The following THOC2 variants were observed in gnomAD, a reference collection of about 807,000 sequenced individuals.
THOC2 encodes the protein THO complex 2.
THOC2 carries 10 observed loss-of-function variants against 128.4 expected under a neutral mutation model. The observed-to-expected ratio is 0.08, with a 90% CI of 0.05 to 0.13. The LOEUF is 0.13. THOC2 is among the 10% of genes least tolerant of loss of function. The pLI, the probability that THOC2 is intolerant of heterozygous loss-of-function variation, is 1.00. For missense variants in THOC2, 535 were observed against 1,155.7 expected, an observed-to-expected ratio of 0.46 and a Z score of 7.79; for synonymous variants, 393 against 396.9, an observed-to-expected ratio of 0.99 and a Z score of 0.12.
At chrX:123,667,420 G>C (rs1018043599) in intron 10 of THOC2, 142 bp from the exon 11 acceptor site, 2 of 436,007 alleles carry the variant, frequency 4.6e-6, no homozygotes, top group Non-Finnish European at 7.5e-6. Context: ...ATTCCTGCAA[G>C]TACAATCAAA....
chrX:123,644,767 A>C lies in THOC2; in HGVS notation c.1559+12T>G. ...ACTAATAGTTAAAAACATGAAAATA[A>C]TATGTATTTACCTATGCTGATATGG... On this transcript the variant is annotated intron_variant, in intron 14 of 38. Coordinates refer to ENST00000245838, the MANE Select transcript of THOC2 (RefSeq NM_001081550.2). 8.4e-7 allele frequency: 1 copy of C among 1,184,242 alleles called. No individual in the cohort carries two copies. The highest frequency in any genetic ancestry group is 1.1e-6 in the Non-Finnish European group (1 of 877,168).
chrX:123,601,990 T>C (rs2046300926), intron 38 of THOC2: 1 of 112,937 alleles, frequency 8.9e-6, no homozygotes, highest in Non-Finnish European at 1.9e-5. Context: ...CTTTCCTTTA[T>C]GTATTGACAT....
In THOC2 at chrX:123,665,677, T is replaced by G; in HGVS notation, c.1351A>C (p.Lys451Gln). ...HLSHDPILFA[K>Q]VVRIGKSFMK... is the part of the protein sequence containing the mutation. ...AATGACTTGCCTATGCGCACCACTT[T>G]TGCAAATAAAATGGGATCGTGAGAA... Residue 451 changes from lysine to glutamine, a missense_variant, in exon 12 of 39, where the codon AAA becomes CAA. Physicochemically the swap from Lys to Gln is moderately conservative, Grantham distance 53. Coordinates refer to ENST00000245838, the MANE Select transcript of THOC2 (RefSeq NM_001081550.2). 1 of 1,189,744 alleles carries G rather than the reference T, an allele frequency of 8.4e-7. No homozygotes were observed. The highest frequency in any genetic ancestry group is 1.1e-6 in the Non-Finnish European group (1 of 884,148).
chrX:123,645,792 T>A (rs989920152), intron 12 of THOC2, among the ~76,000 whole-genome samples: 2 of 112,020 alleles, frequency 1.8e-5, no homozygotes, highest in Non-Finnish European at 3.8e-5. Flanking sequence ...CGAAACCCCG[T>A]CTCTACTAAA....
At chrX:123,676,211 T>C (rs1047840771) in intron 8 of THOC2, among the ~76,000 whole-genome samples, 1 of 112,674 alleles carries the variant, frequency 8.9e-6, no homozygotes, top group African/African-American at 3.2e-5. Flanking sequence ...CAGACAATAA[T>C]TGTGCCTTTA....
rs891017352 is a variant in THOC2, at chrX:123,614,169, A to T, written c.4332T>A (p.Pro1444=). Residue 1444 remains proline, a synonymous_variant, in exon 34 of 39, where the codon CCT becomes CCA. Transcript: ENST00000245838. ...SSAKLYINHT[P]PPLSKSKERE... The stretch of plus-strand genomic sequence containing the variant: ...TCTCCTTACTCTTGGACAGTGGTGG[A>T]GGAGTATGATTAATGTAGAGCTGTT... The T allele has an allele frequency of 2.5e-6, 3 of 1,194,537 alleles. No homozygotes were observed. The highest frequency in any genetic ancestry group is 2.3e-6 in the Non-Finnish European group (2 of 886,803).
chrX:123,656,351 A>T (rs1217581260), intron 12 of THOC2, among the ~76,000 whole-genome samples: 2 of 104,368 alleles, frequency 1.9e-5, no homozygotes, highest in African/African-American at 7.0e-5. Context: ...AAAAAAAAAA[A>T]AAGAGAGAGA....
intron 15 of THOC2, among the ~76,000 whole-genome samples, chrX:123,641,630 C>T (rs189482589): frequency 9.0e-6 from 1 of 111,460 alleles, no homozygotes; most frequent in African/African-American, 3.3e-5. Context: ...CAGGTGCCTC[C>T]CTCTACTTGC....
chrX:123,728,279 A>G (rs2052082292), intron 1 of THOC2, among the ~76,000 whole-genome samples: 1 of 111,089 alleles, frequency 9.0e-6, no homozygotes, highest in Non-Finnish European at 1.9e-5. Context: ...CCGCACTTAC[A>G]GTAGGAAAAA....
rs1413207810 is a variant in THOC2, at chrX:123,712,847, T to C, written c.130+3A>G. The C allele has an allele frequency of 8.8e-7, 1 of 1,132,330 alleles. No homozygotes were observed. Among genetic ancestry groups the C allele is most frequent in the South Asian group, 2.0e-5 (1 of 50,026 alleles). 93.3% of individuals were successfully genotyped at this position (1,132,330 alleles called of 1,213,427 possible). A position where few individuals can be genotyped will look rare whatever the true frequency, so the allele number is the denominator to read the frequency against. On this transcript the variant is annotated splice_donor_region_variant and intron_variant, in intron 2 of 38. Transcript: ENST00000245838. The stretch of plus-strand genomic sequence containing the variant: ...ATAACTAAGATACTTTTAAAAATCT[T>C]ACCTCTGTATGTTGAACTATCATGG...
intron 12 of THOC2, among the ~76,000 whole-genome samples, chrX:123,646,493 A>G (rs766497655): frequency 8.9e-6 from 1 of 112,014 alleles, no homozygotes; most frequent in South Asian, 3.7e-4. Flanking sequence ...CAAGCTTCTT[A>G]TTTTCTTGGT....
At chrX:123,660,755 C>T (rs1223410102) in intron 12 of THOC2, among the ~76,000 whole-genome samples, 1 of 112,013 alleles carries the variant, frequency 8.9e-6, no homozygotes, top group Admixed American at 9.5e-5. Context: ...AATATTTGTA[C>T]ATATTTGTGG....
chrX:123,685,130 G>A (rs1017787935), intron 8 of THOC2, among the ~76,000 whole-genome samples: 2 of 112,318 alleles, frequency 1.8e-5, no homozygotes, highest in Non-Finnish European at 3.8e-5. Flanking sequence ...TAGATCACTC[G>A]TTTACAATTA....
intron 12 of THOC2, among the ~76,000 whole-genome samples, chrX:123,657,960 C>CGTGT (rs60969537): frequency 0.013 from 1,227 of 94,796 alleles, 5 homozygotes; most frequent in Non-Finnish European, 0.019. Context: ...TACGCATATG[C>CGTGT]GTGTGTGTGT....
Position 123,621,605 on chromosome X carries a change from G to C in THOC2, c.3786-18C>G. 1 of 1,035,365 alleles carries C rather than the reference G, an allele frequency of 9.7e-7. No homozygotes were observed. Among genetic ancestry groups the C allele is most frequent in the Non-Finnish European group, 1.3e-6 (1 of 771,735 alleles). 85.3% of individuals were successfully genotyped at this position (1,035,365 alleles called of 1,213,427 possible). On this transcript the variant is annotated intron_variant, in intron 30 of 38. Transcript: ENST00000245838. The stretch of plus-strand genomic sequence containing the variant: ...CTTTGTTGCTTAAGAATAAAAACAT[G>C]GGATTTTAACACAAATAATCATAAA...
chrX:123,655,176 T>C (rs2048519844), intron 12 of THOC2, among the ~76,000 whole-genome samples: 2 of 111,922 alleles, frequency 1.8e-5, no homozygotes, highest in Admixed American at 1.9e-4. Flanking sequence ...TCATTCTTAC[T>C]ACAATTTATT....
chrX:123,705,127 G>A (rs1444865567), intron 3 of THOC2, among the ~76,000 whole-genome samples: 3 of 111,693 alleles, frequency 2.7e-5, no homozygotes, highest in Non-Finnish European at 5.6e-5. Flanking sequence ...TCTTCTGTGG[G>A]TAAGATACTG....
At chrX:123,656,120 C>A (rs972634085) in intron 12 of THOC2, among the ~76,000 whole-genome samples, 12 of 107,598 alleles carry the variant, frequency 1.1e-4, no homozygotes, top group Non-Finnish European at 1.9e-4. Flanking sequence ...GTCAGGAGTT[C>A]CAGACCAGCC....
chrX:123,615,650 A>AC (rs2046862535), intron 33 of THOC2, among the ~76,000 whole-genome samples: 1 of 105,898 alleles, frequency 9.4e-6, no homozygotes, highest in South Asian at 4.0e-4. Flanking sequence ...AAAGCAAAAA[A>AC]AAAAATACAC....
Sources: allele counts gnomAD v4.1 joint callset (sites outside exome capture counted in the v4.1 genomes callset), GRCh38; gene constraint gnomAD v4.1.1; transcripts MANE v1.5; gene names NCBI Gene and HGNC (gene_info 2026-07-23, HGNC 2026-07-21).